ERC2: variants seen among roughly 807,000 people sequenced by gnomAD.
ERC2 encodes ERC protein 2.
In ERC2, 42 loss-of-function variants were observed where a neutral mutation model predicts 114.8. The observed-to-expected ratio is 0.37, with a 90% CI of 0.29 to 0.47. The LOEUF (loss-of-function observed/expected upper bound fraction) is 0.47, where lower values mean the gene tolerates loss of function less well. ERC2 is among the 20% of genes least tolerant of loss of function. The pLI, the probability that ERC2 is intolerant of heterozygous loss-of-function variation, is 0.99. For synonymous variants in ERC2, 454 were observed against 425.5 expected, an observed-to-expected ratio of 1.07 and a Z score of -0.82; for missense variants, 939 against 1,150.7, an observed-to-expected ratio of 0.82 and a Z score of 2.66.
chr3:56,314,062 A>C (rs1403251767), intron 2 of ERC2, among the ~76,000 whole-genome samples: 1 of 152,124 alleles, frequency 6.6e-6, no homozygotes, highest in Non-Finnish European at 1.5e-5. Flanking sequence ...TAGTTTGCTA[A>C]GGATAATGGA....
At chr3:56,385,409 G>A (rs1350361360) in intron 2 of ERC2, among the ~76,000 whole-genome samples, 3 of 152,058 alleles carry the variant, frequency 2.0e-5, no homozygotes, top group Admixed American at 6.6e-5. Context: ...CCACCACATT[G>A]GTGGTGAGTG....
chr3:56,377,632 A>G (rs35332984), intron 2 of ERC2, among the ~76,000 whole-genome samples: 35,279 of 152,168 alleles, frequency 0.23, 4,673 homozygotes, highest in Non-Finnish European at 0.29. Context: ...AGGCCCCCCA[A>G]AAAAGATAAC....
chr3:56,032,921 A>AAGAGAGAGAGAGAC (rs2074486606), intron 7 of ERC2, among the ~76,000 whole-genome samples: 8 of 80,784 alleles, frequency 9.9e-5, no homozygotes, highest in Non-Finnish European at 1.9e-4. Flanking sequence ...GAAAGAAAGA[A>AAGAGAGAGAGAGAC]AGAAAGAAAG....
intron 17 of ERC2, among the ~76,000 whole-genome samples, chr3:55,587,028 C>T (rs963218703): frequency 6.6e-6 from 1 of 152,180 alleles, no homozygotes; most frequent in Admixed American, 6.5e-5. Flanking sequence ...TGCTGTTGTA[C>T]TCTATGTATT....
chr3:56,127,679 T>C (rs1362045985), intron 6 of ERC2, among the ~76,000 whole-genome samples: 1 of 150,318 alleles, frequency 6.7e-6, no homozygotes, highest in Non-Finnish European at 1.5e-5. Context: ...GCCAAGATCA[T>C]GCCACTGCAC....
intron 12 of ERC2, among the ~76,000 whole-genome samples, chr3:55,971,562 G>A (rs2069158523): frequency 6.6e-6 from 1 of 152,122 alleles, no homozygotes; most frequent in Non-Finnish European, 1.5e-5. Flanking sequence ...ACATTTTACA[G>A]TATGTCTTGG....
chr3:56,396,524 C>T (rs1196678640), intron 2 of ERC2, among the ~76,000 whole-genome samples: 1 of 152,016 alleles, frequency 6.6e-6, no homozygotes, highest in Non-Finnish European at 1.5e-5. Context: ...TATTGTTCAA[C>T]AAAAAAGGCA....
At chr3:56,181,892 C>T (rs991298720) in intron 3 of ERC2, among the ~76,000 whole-genome samples, 11 of 152,120 alleles carry the variant, frequency 7.2e-5, no homozygotes, top group Non-Finnish European at 2.9e-5. Context: ...TGCGAATGAG[C>T]CATCAAAAAA....
intron 2 of ERC2, among the ~76,000 whole-genome samples, chr3:56,379,721 A>G (rs1306640631): frequency 2.0e-5 from 3 of 152,210 alleles, no homozygotes; most frequent in Admixed American, 6.5e-5. Context: ...AAAAGAATCA[A>G]GAAAGTATTT....
intron 6 of ERC2, among the ~76,000 whole-genome samples, chr3:56,125,702 G>A (rs962364920): frequency 6.6e-6 from 1 of 152,148 alleles, no homozygotes; most frequent in Non-Finnish European, 1.5e-5. Flanking sequence ...TAGAAAAACT[G>A]CAAAAAGTTA....
intron 15 of ERC2, among the ~76,000 whole-genome samples, chr3:55,717,691 C>G (rs1240979027): frequency 6.6e-6 from 1 of 152,200 alleles, no homozygotes; most frequent in East Asian, 1.9e-4. Context: ...GGAGAACAAT[C>G]GTTTGACTGG....
At chr3:56,430,404 C>G (rs989237799) in intron 2 of ERC2, among the ~76,000 whole-genome samples, 4 of 152,184 alleles carry the variant, frequency 2.6e-5, no homozygotes, top group African/African-American at 9.7e-5. Context: ...AAATTCTGGC[C>G]AGGTACAGTG....
intron 3 of ERC2, among the ~76,000 whole-genome samples, chr3:56,255,096 C>T (rs768584095): frequency 2.0e-4 from 30 of 152,230 alleles, no homozygotes; most frequent in Non-Finnish European, 1.5e-5. Context: ...TTAATCTTGA[C>T]TTAGAAGTAA....
intron 12 of ERC2, among the ~76,000 whole-genome samples, chr3:55,981,376 G>GA (rs1400146457): frequency 1.3e-5 from 2 of 152,134 alleles, no homozygotes; most frequent in East Asian, 1.9e-4. Flanking sequence ...ACCCCAACAG[G>GA]AAAAAGGGGG....
chr3:55,799,381 T>TTA (rs749659338), intron 14 of ERC2, among the ~76,000 whole-genome samples: 20 of 106,964 alleles, frequency 1.9e-4, no homozygotes, highest in South Asian at 3.2e-4. Flanking sequence ...TATATATGCC[T>TTA]TATATATATA....
intron 17 of ERC2, among the ~76,000 whole-genome samples, chr3:55,632,397 A>AT (rs900301650): frequency 3.3e-5 from 5 of 151,588 alleles, no homozygotes; most frequent in South Asian, 2.1e-4. Context: ...TCAAGCTCAT[A>AT]TTTTTTTTTC....
chr3:55,680,909 G>A (rs1383748259), intron 17 of ERC2, among the ~76,000 whole-genome samples: 1 of 152,156 alleles, frequency 6.6e-6, no homozygotes, highest in African/African-American at 2.4e-5. Flanking sequence ...GGCGCTGAGG[G>A]CAAATGAACA....
chr3:55,726,697 GC>G (rs2064944768), intron 15 of ERC2, among the ~76,000 whole-genome samples: 1 of 152,146 alleles, frequency 6.6e-6, no homozygotes. Flanking sequence ...TACATTACAT[GC>G]AACTTGTTAT....
At chr3:55,595,620 A>T (rs911015550) in intron 17 of ERC2, among the ~76,000 whole-genome samples, 5 of 152,364 alleles carry the variant, frequency 3.3e-5, no homozygotes, top group African/African-American at 9.6e-5. Context: ...TGAAAGCCGG[A>T]CATTCCTCAG....
Sources: allele counts gnomAD v4.1 joint callset (sites outside exome capture counted in the v4.1 genomes callset), GRCh38; gene constraint gnomAD v4.1.1; transcripts MANE v1.5; gene names NCBI Gene and HGNC (gene_info 2026-07-23, HGNC 2026-07-21).